The following RPS6KA2 variants were observed in gnomAD, a reference collection of about 807,000 sequenced individuals.
RPS6KA2 encodes the protein ribosomal protein S6 kinase alpha-2.
RPS6KA2 carries 42 observed loss-of-function variants against 91.8 expected under a neutral mutation model. The observed-to-expected ratio is 0.46, with a 90% CI of 0.36 to 0.59. The LOEUF (loss-of-function observed/expected upper bound fraction) is 0.59, where lower values mean the gene tolerates loss of function less well. Ranked by LOEUF, RPS6KA2 falls within the 20% of genes least tolerant of loss-of-function variation. The pLI is 0.00. For missense variants in RPS6KA2, 798 were observed against 978.5 expected (o/e 0.82, Z 2.46); for synonymous variants, 414 against 393.6 (o/e 1.05, Z -0.61).
chr6:166,806,447 T>C (rs563434468), intron 2 of RPS6KA2, among the ~76,000 whole-genome samples: 1 of 152,328 alleles, frequency 6.6e-6, no homozygotes, highest in Non-Finnish European at 1.5e-5. Flanking sequence ...AAAACTTTGG[T>C]GGCCAGAAGG....
intron 2 of RPS6KA2, among the ~76,000 whole-genome samples, chr6:166,811,073 A>C (rs527471978): frequency 6.6e-6 from 1 of 152,374 alleles, no homozygotes; most frequent in Admixed American, 6.5e-5. Context: ...ATGACATCAC[A>C]CTAAGAAGAG....
intron 2 of RPS6KA2, among the ~76,000 whole-genome samples, chr6:166,848,072 TAAAC>T (rs1426311981): frequency 6.6e-6 from 1 of 151,782 alleles, no homozygotes; most frequent in Non-Finnish European, 1.5e-5. Context: ...AAATAAAAAA[TAAAC>T]AATCCATCAA....
At chr6:166,708,044 T>C (rs1789731713) in intron 2 of RPS6KA2, among the ~76,000 whole-genome samples, 1 of 152,224 alleles carries the variant, frequency 6.6e-6, no homozygotes, top group Non-Finnish European at 1.5e-5. Flanking sequence ...ACAACTGGCC[T>C]GAGAATAATT....
At chr6:166,644,483 G>C (rs928804454) in intron 2 of RPS6KA2, among the ~76,000 whole-genome samples, 6 of 152,136 alleles carry the variant, frequency 3.9e-5, no homozygotes, top group Admixed American at 6.6e-5. Context: ...TAGGAAGTTT[G>C]AGGCTCCAAT....
intron 2 of RPS6KA2, among the ~76,000 whole-genome samples, chr6:166,673,833 A>T (rs1788547037): frequency 6.6e-6 from 1 of 152,272 alleles, no homozygotes. Context: ...TTGCCGTAAG[A>T]CATGCCAAAG....
chr6:166,592,740 C>T (rs1267132535), intron 1 of RPS6KA2, among the ~76,000 whole-genome samples: 1 of 152,160 alleles, frequency 6.6e-6, no homozygotes, highest in Non-Finnish European at 1.5e-5. Flanking sequence ...GCGGTCTGCC[C>T]TTACATTCTA....
At chr6:166,522,187 C>T (rs1782879587) in intron 3 of RPS6KA2, among the ~76,000 whole-genome samples, 1 of 152,156 alleles carries the variant, frequency 6.6e-6, no homozygotes, top group Admixed American at 6.5e-5. Flanking sequence ...CATATTATAG[C>T]ATACTGTTCT....
rs181151986 is a variant in RPS6KA2 at position 166,543,685 on chromosome 6, C to A, written c.100-4901G>T. On this transcript the variant is annotated intron_variant, in intron 1 of 20. Coordinates refer to ENST00000265678, the MANE Select transcript of RPS6KA2 (RefSeq NM_021135.6). ...TCTCCATGTAGTTACCCCCTTGGAA[C>A]CTCGTCCTGTCTCCGGGCTTTATAA... 4.5e-4 allele frequency among the ~76,000 whole-genome samples: 69 copies of A among 152,342 alleles called. 1 individual carries two copies. The East Asian group carries it at 0.011, about 24-fold the overall frequency.
At chr6:166,775,011 T>C (rs1325554660) in intron 2 of RPS6KA2, among the ~76,000 whole-genome samples, 3 of 152,198 alleles carry the variant, frequency 2.0e-5, no homozygotes. Context: ...CACAGGATAA[T>C]GTGACCTGCC....
intron 2 of RPS6KA2, among the ~76,000 whole-genome samples, chr6:166,638,995 G>GA (rs1401385729): frequency 9.2e-5 from 14 of 152,074 alleles, no homozygotes; most frequent in Non-Finnish European, 1.3e-4. Context: ...GAAGAAGAGG[G>GA]AAAAAACCCT....
At chr6:166,478,000 T>C (rs896337602) in intron 10 of RPS6KA2, among the ~76,000 whole-genome samples, 4 of 152,346 alleles carry the variant, frequency 2.6e-5, no homozygotes, top group Admixed American at 1.3e-4. Flanking sequence ...CATGTACGTT[T>C]GGATGAATAA....
chr6:166,470,100 G>A (rs757475111), intron 10 of RPS6KA2, among the ~76,000 whole-genome samples, 195 bp from the exon 11 acceptor site: 20 of 152,224 alleles, frequency 1.3e-4, no homozygotes, highest in East Asian at 1.9e-4. Flanking sequence ...ACTCAGCCCC[G>A]AGGGCTTGTG....
intron 17 of RPS6KA2, among the ~76,000 whole-genome samples, chr6:166,421,486 G>A (rs1391483140): frequency 1.3e-5 from 2 of 152,162 alleles, no homozygotes; most frequent in Non-Finnish European, 2.9e-5. Context: ...GAGGACAAAG[G>A]CTTCCCCTAG....
Position 166,635,478 on chromosome 6 carries a change from C to T in RPS6KA2, c.124-96694G>A, listed in dbSNP as rs1787205010. On this transcript the variant is annotated intron_variant, in intron 2 of 21. Transcript: ENST00000503859. This position sits in a 1 kb window ranked among gnomAD's most constrained non-coding sequence, Gnocchi z 4.8. ...TGCTACATTCACAGGCTATGATGAG[C>T]AAGCGCCAGCCAGATACACAGGGAC... 6.6e-6 allele frequency among the ~76,000 whole-genome samples: 1 copy of T among 152,250 alleles called. No homozygotes were observed. Among genetic ancestry groups the T allele is most frequent in the South Asian group, 2.1e-4 (1 of 4,836 alleles).
At chr6:166,766,970 T>A (rs1778328757) in intron 2 of RPS6KA2, among the ~76,000 whole-genome samples, 1 of 152,172 alleles carries the variant, frequency 6.6e-6, no homozygotes, top group South Asian at 2.1e-4. Context: ...TCGCCTTTGT[T>A]TACAAGTCCA....
intron 2 of RPS6KA2, among the ~76,000 whole-genome samples, chr6:166,709,876 GT>G (rs960489236): frequency 6.6e-6 from 1 of 152,196 alleles, no homozygotes; most frequent in African/African-American, 2.4e-5. Context: ...CTGAGAACAA[GT>G]TAGGGGTTGA....
intron 1 of RPS6KA2, among the ~76,000 whole-genome samples, chr6:166,616,757 G>A (rs1368428873): frequency 6.6e-6 from 1 of 152,218 alleles, no homozygotes; most frequent in Non-Finnish European, 1.5e-5. Context: ...TGTGGGTGTG[G>A]CAGGATTTTT....
Position 166,557,115 on chromosome 6 carries a change from T to G in RPS6KA2, c.100-18331A>C, listed in dbSNP as rs1014102606. On this transcript the variant is annotated intron_variant, in intron 1 of 20. Coordinates refer to ENST00000265678, the MANE Select transcript of RPS6KA2 (RefSeq NM_021135.6). The surrounding 1 kb of genome is among the most constrained non-coding windows in gnomAD (Gnocchi z 4.8). ...TCTCTTCCTGTTACCCAGTGCCAAG[T>G]GGCTGTGCTGAACAAGAGGGCACAA... Among the ~76,000 whole-genome samples, 1 of 152,236 alleles carries G rather than the reference T, an allele frequency of 6.6e-6. No homozygotes were observed. Among genetic ancestry groups the G allele is most frequent in the African/African-American group, 2.4e-5 (1 of 41,462 alleles).
At chr6:166,471,449 C>T (rs1014936060) in intron 10 of RPS6KA2, among the ~76,000 whole-genome samples, 6 of 152,256 alleles carry the variant, frequency 3.9e-5, no homozygotes, top group African/African-American at 1.4e-4. Flanking sequence ...GGAAGCTTGG[C>T]CAGGGCCATG....
Sources: allele counts gnomAD v4.1 joint callset (sites outside exome capture counted in the v4.1 genomes callset), GRCh38; gene constraint gnomAD v4.1.1; non-coding constraint Gnocchi (gnomAD v3.1); transcripts MANE v1.5; gene names NCBI Gene and HGNC (gene_info 2026-07-23, HGNC 2026-07-21).